Variants in SLC8A1 observed in about 807,000 individuals in gnomAD.
SLC8A1 encodes the protein sodium/calcium exchanger 1.
A neutral mutation model predicts 68.3 loss-of-function variants in SLC8A1; 18 were observed. That is an observed-to-expected ratio of 0.26 (90% CI 0.18 to 0.39). The LOEUF is 0.39. SLC8A1 is among the 10% of genes least tolerant of loss of function. The pLI, the probability that SLC8A1 is intolerant of heterozygous loss-of-function variation, is 1.00. For missense variants in SLC8A1, 985 were observed against 1,156.7 expected, an observed-to-expected ratio of 0.85 and a Z score of 2.15; for synonymous variants, 475 against 415.5, an observed-to-expected ratio of 1.14 and a Z score of -1.74.
intron 2 of SLC8A1, among the ~76,000 whole-genome samples, chr2:40,272,165 G>C (rs1220947530): frequency 6.6e-6 from 1 of 152,132 alleles, no homozygotes; most frequent in African/African-American, 2.4e-5. Flanking sequence ...ACTGCACCTG[G>C]CCAAAACTTA....
intron 2 of SLC8A1, among the ~76,000 whole-genome samples, chr2:40,405,003 T>C (rs1394190709): frequency 2.0e-5 from 3 of 152,110 alleles, no homozygotes; most frequent in Non-Finnish European, 2.9e-5. Context: ...CCCACGAAAA[T>C]TCTGTAATTT....
intron 2 of SLC8A1, among the ~76,000 whole-genome samples, chr2:40,306,705 T>C (rs2072684065): frequency 1.3e-5 from 2 of 152,168 alleles, no homozygotes; most frequent in Non-Finnish European, 2.9e-5. Flanking sequence ...AGTTTCTTAA[T>C]TAAGCCCCAA....
intron 2 of SLC8A1, among the ~76,000 whole-genome samples, chr2:40,302,070 T>TGTGC (rs2071579696): frequency 6.7e-6 from 1 of 149,928 alleles, no homozygotes; most frequent in Non-Finnish European, 1.5e-5. Context: ...TGTGTGTGTG[T>TGTGC]GTGTTTAGTA....
At chr2:40,174,085 A>T (rs1200272977) in intron 4 of SLC8A1, among the ~76,000 whole-genome samples, 2 of 152,152 alleles carry the variant, frequency 1.3e-5, no homozygotes, top group Non-Finnish European at 2.9e-5. Context: ...ATATGCTTCA[A>T]GTGGCAGAAA....
chr2:40,139,744 T>A, intron 6 of SLC8A1, 68 bp from the exon 10 acceptor site: 1 of 1,534,676 alleles, frequency 6.5e-7, no homozygotes, highest in Non-Finnish European at 8.9e-7. Flanking sequence ...TCTCTCAATC[T>A]CTCCTATCTA....
intron 2 of SLC8A1, among the ~76,000 whole-genome samples, chr2:40,311,553 G>A (rs1428321657): frequency 6.6e-6 from 1 of 151,898 alleles, no homozygotes; most frequent in Non-Finnish European, 1.5e-5. Flanking sequence ...TTTAAAATTT[G>A]ATGTCTTTAT....
At chr2:40,492,918 A>C (rs1705416765) in intron 1 of SLC8A1, among the ~76,000 whole-genome samples, 1 of 151,926 alleles carries the variant, frequency 6.6e-6, no homozygotes, top group Admixed American at 6.6e-5. Context: ...TAGTTCAACC[A>C]TTGTGGAAGT....
At chr2:40,242,314 A>T (rs1033451481) in intron 2 of SLC8A1, among the ~76,000 whole-genome samples, 1 of 152,196 alleles carries the variant, frequency 6.6e-6, no homozygotes, top group Admixed American at 6.5e-5. Flanking sequence ...ACAAACTAAA[A>T]CATAAAGATA....
At chr2:40,169,017 G>A (rs1364230201) in intron 4 of SLC8A1, among the ~76,000 whole-genome samples, 1 of 152,174 alleles carries the variant, frequency 6.6e-6, no homozygotes, top group African/African-American at 2.4e-5. Flanking sequence ...CTGAGTAATT[G>A]ATTTTGCAAG....
intron 2 of SLC8A1, among the ~76,000 whole-genome samples, chr2:40,371,197 A>C (rs1677925985): frequency 6.6e-6 from 1 of 152,132 alleles, no homozygotes; most frequent in Non-Finnish European, 1.5e-5. Flanking sequence ...TGTTCACAGG[A>C]AAGTCTAGAT....
chr2:40,423,175 T>G (rs1387117365), intron 2 of SLC8A1, among the ~76,000 whole-genome samples: 3 of 152,126 alleles, frequency 2.0e-5, no homozygotes, highest in Non-Finnish European at 2.9e-5. Flanking sequence ...ATTTTGATAA[T>G]GGTCCTGTCT....
At chr2:40,403,382 C>T (rs1689335233) in intron 2 of SLC8A1, among the ~76,000 whole-genome samples, 1 of 152,176 alleles carries the variant, frequency 6.6e-6, no homozygotes, top group African/African-American at 2.4e-5. Context: ...TTCTCAATGG[C>T]TCCTGTTTCA....
At chr2:40,287,768 A>T (rs2068589682) in intron 2 of SLC8A1, among the ~76,000 whole-genome samples, 1 of 151,912 alleles carries the variant, frequency 6.6e-6, no homozygotes, top group South Asian at 2.1e-4. Flanking sequence ...GTGATAATGA[A>T]GAGACATCCT....
intron 1 of SLC8A1, among the ~76,000 whole-genome samples, chr2:40,510,596 T>G (rs1415484514): frequency 6.6e-6 from 1 of 152,190 alleles, no homozygotes; most frequent in African/African-American, 2.4e-5. Flanking sequence ...AGTGTTTAAT[T>G]AAGTATTTTA....
chr2:40,241,457 A>AC lies in SLC8A1; in HGVS notation c.1809-63603dup, dbSNP rs1480720323. On this transcript the variant is annotated intron_variant, in intron 2 of 7. Transcript: ENST00000406785. ...CATCACACAATAAACCCGCACATGTACCCCCTCCGTCAAAAATAAAAGTTG... is the reference window on the plus strand; with the variant it reads ...CATCACACAATAAACCCGCACATGTACCCCCCTCCGTCAAAAATAAAAGTTG... Among the ~76,000 whole-genome samples, 8 of 152,272 alleles carry AC rather than the reference A, an allele frequency of 5.3e-5. No homozygotes were observed. The South Asian group carries it at 8.3e-4, about 16-fold the overall frequency.
intron 4 of SLC8A1, among the ~76,000 whole-genome samples, chr2:40,166,932 A>C (rs2046642892): frequency 6.6e-6 from 1 of 152,202 alleles, no homozygotes; most frequent in South Asian, 2.1e-4. Context: ...ATTGGGGGAG[A>C]ATATTTATTA....
chr2:40,291,483 C>T lies in SLC8A1; in HGVS notation c.1809-113628G>A, dbSNP rs192325618. 2.6e-3 allele frequency among the ~76,000 whole-genome samples: 393 copies of T among 152,158 alleles called. 1 individual carries two copies. The highest frequency in any genetic ancestry group is 3.9e-3 in the Non-Finnish European group (265 of 68,006). ...GGGAGTTCCTTGAAAAAGCCCAGGG[C>T]GCCAACAGCATGATGTGATCCGCTC... On this transcript the variant is annotated intron_variant, in intron 2 of 7. Transcript: ENST00000406785.
At chr2:40,207,099 C>T (rs450450) in intron 2 of SLC8A1, among the ~76,000 whole-genome samples, 115,767 of 151,954 alleles carry the variant, frequency 0.76, 44,698 homozygotes, top group Middle Eastern at 0.84. Flanking sequence ...AAAATTTGTA[C>T]GTGGTAAGAA....
chr2:40,436,542 T>G (rs1699456663), intron 1 of SLC8A1, among the ~76,000 whole-genome samples: 1 of 152,230 alleles, frequency 6.6e-6, no homozygotes, highest in Non-Finnish European at 1.5e-5. Context: ...AACCTGGGTG[T>G]GTGTCTTCCA....
Sources: gnomAD v4.1 joint callset for allele counts (sites outside exome capture counted in the v4.1 genomes callset) on GRCh38, gnomAD v4.1.1 for gene constraint, MANE v1.5 for transcripts, NCBI Gene and HGNC (gene_info 2026-07-23, HGNC 2026-07-21) for gene names.